FRMD4A: variants seen among roughly 807,000 people sequenced by gnomAD.
The protein encoded by FRMD4A is FERM domain-containing protein 4A.
A neutral mutation model predicts 129.1 loss-of-function variants in FRMD4A; 29 were observed. The observed-to-expected ratio is 0.22, with a 90% confidence interval of 0.17 to 0.31. FRMD4A has a LOEUF of 0.31. Ranked by LOEUF, FRMD4A falls within the 10% of genes least tolerant of loss-of-function variation. The probability of loss-of-function intolerance (pLI) is 1.00; values close to 1 mark genes in which losing one functional copy is unlikely to be tolerated. For missense variants in FRMD4A, 1,272 were observed against 1,375.8 expected, an observed-to-expected ratio of 0.92 and a Z score of 1.19; for synonymous variants, 634 against 571.6, an observed-to-expected ratio of 1.11 and a Z score of -1.56.
chr10:14,095,266 G>A (rs1836889269), intron 2 of FRMD4A, among the ~76,000 whole-genome samples: 1 of 152,146 alleles, frequency 6.6e-6, no homozygotes, highest in Non-Finnish European at 1.5e-5. Flanking sequence ...GCTCTTCAGA[G>A]TAAATGTTTC....
At chr10:14,146,064 C>A (rs1840059569) in intron 2 of FRMD4A, among the ~76,000 whole-genome samples, 1 of 152,148 alleles carries the variant, frequency 6.6e-6, no homozygotes, top group Admixed American at 6.5e-5. Flanking sequence ...GGCTGTGTGA[C>A]CTTGAAGAAA....
At chr10:13,903,080 C>T (rs1205258876) in intron 2 of FRMD4A, among the ~76,000 whole-genome samples, 1 of 152,126 alleles carries the variant, frequency 6.6e-6, no homozygotes, top group East Asian at 1.9e-4. Flanking sequence ...AGCCCCAGGG[C>T]CTTTGCACTT....
At chr10:13,915,483 TA>T (rs1358678153) in intron 2 of FRMD4A, among the ~76,000 whole-genome samples, 6 of 151,516 alleles carry the variant, frequency 4.0e-5, no homozygotes, top group African/African-American at 1.2e-4. Context: ...CCATCCTGGC[TA>T]ACACGGTGAA....
chr10:14,045,643 C>G (rs1050725066), intron 2 of FRMD4A, among the ~76,000 whole-genome samples: 2 of 146,498 alleles, frequency 1.4e-5, no homozygotes, highest in African/African-American at 5.0e-5. Context: ...TAATTATAAT[C>G]ACATTCTTAT....
intron 2 of FRMD4A, among the ~76,000 whole-genome samples, chr10:13,863,855 T>C (rs1188475275): frequency 6.6e-6 from 1 of 152,186 alleles, no homozygotes; most frequent in African/African-American, 2.4e-5. Flanking sequence ...AGTTGGAATT[T>C]AATTTTTCTG....
intron 2 of FRMD4A, among the ~76,000 whole-genome samples, chr10:13,958,143 T>C (rs2131351260): frequency 6.6e-6 from 1 of 152,284 alleles, no homozygotes; most frequent in African/African-American, 2.4e-5. Context: ...ACCTAGCTAT[T>C]CTGAAAGGTG....
At chr10:14,122,650 C>T (rs1194195633) in intron 2 of FRMD4A, among the ~76,000 whole-genome samples, 2 of 151,918 alleles carry the variant, frequency 1.3e-5, no homozygotes, top group East Asian at 1.9e-4. Context: ...GATTAGTTCT[C>T]GCGAGACCTC....
chr10:14,183,596 A>G (rs967989099), intron 2 of FRMD4A, among the ~76,000 whole-genome samples: 2 of 152,156 alleles, frequency 1.3e-5, no homozygotes, highest in Non-Finnish European at 2.9e-5. Context: ...GCACAAAGGA[A>G]AGTAATTGCT....
intron 2 of FRMD4A, among the ~76,000 whole-genome samples, chr10:13,920,353 T>G (rs2095057827): frequency 6.6e-6 from 1 of 152,246 alleles, no homozygotes; most frequent in Non-Finnish European, 1.5e-5. Context: ...AAAGCTATGA[T>G]GAGGTTCTTG....
At chr10:14,258,957 C>T (rs1844707396) in intron 2 of FRMD4A, among the ~76,000 whole-genome samples, 1 of 152,096 alleles carries the variant, frequency 6.6e-6, no homozygotes, top group Admixed American at 6.6e-5. Flanking sequence ...GTGGAAACTA[C>T]TGTATAAAAT....
At chr10:13,796,356 T>C in intron 5 of FRMD4A, 140 bp downstream of exon 5, 1 of 648,252 alleles carries the variant, frequency 1.5e-6, no homozygotes, top group East Asian at 2.6e-5. Context: ...CTATGAGGCA[T>C]GCAGCTCTAC....
intron 2 of FRMD4A, among the ~76,000 whole-genome samples, chr10:14,289,350 T>G (rs940083308): frequency 6.6e-6 from 1 of 152,150 alleles, no homozygotes; most frequent in Non-Finnish European, 1.5e-5. Context: ...CATGCTGTTG[T>G]TTCATATGCA....
chr10:14,003,831 T>A (rs1198391916), intron 2 of FRMD4A, among the ~76,000 whole-genome samples: 1 of 152,262 alleles, frequency 6.6e-6, no homozygotes, highest in Non-Finnish European at 1.5e-5. Context: ...TTCCTCGTAT[T>A]GCAAAGTTAT....
At chr10:14,132,858 G>C (rs1839333436) in intron 2 of FRMD4A, among the ~76,000 whole-genome samples, 2 of 152,204 alleles carry the variant, frequency 1.3e-5, no homozygotes, top group African/African-American at 4.8e-5. Flanking sequence ...CTTAAGCATG[G>C]TATGCCCCAG....
chr10:14,229,532 T>C (rs1843564420), intron 2 of FRMD4A, among the ~76,000 whole-genome samples: 1 of 152,102 alleles, frequency 6.6e-6, no homozygotes, highest in Non-Finnish European at 1.5e-5. Flanking sequence ...CGACCTCCCA[T>C]GCTCAGGAGA....
At chr10:14,324,299 G>A (rs2132124553) in intron 2 of FRMD4A, among the ~76,000 whole-genome samples, 1 of 152,242 alleles carries the variant, frequency 6.6e-6, no homozygotes, top group Admixed American at 6.5e-5. Context: ...ATACCCATTG[G>A]GAAATTTTAC....
intron 2 of FRMD4A, among the ~76,000 whole-genome samples, chr10:13,908,660 C>T (rs1036614881): frequency 2.6e-5 from 4 of 152,220 alleles, no homozygotes; most frequent in African/African-American, 9.6e-5. Flanking sequence ...TTGCTCCTAG[C>T]GGTTCCTCTG....
At chr10:14,054,035 G>T (rs1248180525) in intron 2 of FRMD4A, among the ~76,000 whole-genome samples, 1 of 151,794 alleles carries the variant, frequency 6.6e-6, no homozygotes, top group East Asian at 1.9e-4. Flanking sequence ...AAATTAGCTA[G>T]GTACCTGCAG....
At chr10:14,064,097 G>T (rs1473484250) in intron 2 of FRMD4A, among the ~76,000 whole-genome samples, 1 of 152,216 alleles carries the variant, frequency 6.6e-6, no homozygotes, top group African/African-American at 2.4e-5. Flanking sequence ...TTGCTGGGAA[G>T]TGCTCACCAA....
Sources: allele counts gnomAD v4.1 joint callset (sites outside exome capture counted in the v4.1 genomes callset), GRCh38; gene constraint gnomAD v4.1.1; transcripts MANE v1.5; gene names NCBI Gene and HGNC (gene_info 2026-07-23, HGNC 2026-07-21).